Variants in NBPF20 observed in about 807,000 individuals in gnomAD.
NBPF20 encodes NBPF member 20.
A neutral mutation model predicts 68.1 loss-of-function variants in NBPF20; 90 were observed. The observed-to-expected ratio is 1.32, with a 90% CI of 1.11 to 1.58. The LOEUF (loss-of-function observed/expected upper bound fraction) is 1.58, where lower values mean the gene tolerates loss of function less well. Ranked by LOEUF, NBPF20 falls within the 40% of genes most tolerant of loss-of-function variation. NBPF20 has a pLI of 0.00. For missense variants in NBPF20, 816 were observed against 601.2 expected, an observed-to-expected ratio of 1.36 and a Z score of -3.74; for synonymous variants, 290 against 228.1, an observed-to-expected ratio of 1.27 and a Z score of -2.45.
chr1:145,394,609 A>T (rs1662124078), intron 8 of NBPF20, among the ~76,000 whole-genome samples: 1 of 151,944 alleles, frequency 6.6e-6, no homozygotes, highest in African/African-American at 2.4e-5. Flanking sequence ...TGGGAACAAA[A>T]CTCATAAGGA....
At chr1:145,397,772 T>A in intron 7 of NBPF20, among the ~76,000 whole-genome samples, 1 of 152,072 alleles carries the variant, frequency 6.6e-6, no homozygotes, top group Non-Finnish European at 1.5e-5. Context: ...ATGCCCCAGT[T>A]AAAAAACACA....
chr1:145,419,589 G>A, the NBPF20 span, among the ~76,000 whole-genome samples: 1 of 152,080 alleles, frequency 6.6e-6, no homozygotes, highest in Admixed American at 6.5e-5. Flanking sequence ...GGGGGCCTCA[G>A]CCCCTGGGTC....
At chr1:145,405,018 T>A (rs1299833392) in intron 2 of NBPF20, 80 bp downstream of exon 7, 1 of 1,599,866 alleles carries the variant, frequency 6.3e-7, no homozygotes, top group African/African-American at 1.3e-5. Flanking sequence ...TGAAATTATT[T>A]TTGATGGAGA....
At chr1:145,423,561 A>C in the NBPF20 span, among the ~76,000 whole-genome samples, 13 of 152,110 alleles carry the variant, frequency 8.5e-5, no homozygotes, top group Non-Finnish European at 1.6e-4. Flanking sequence ...GAAAGGACAC[A>C]TATCCGGAAA....
chr1:145,393,804 T>C (rs1662067222), intron 9 of NBPF20, 80 bp downstream of exon 14: 3 of 1,282,730 alleles, frequency 2.3e-6, no homozygotes, highest in African/African-American at 2.9e-5. Context: ...ATCATTATTT[T>C]CAGCATGTAC....
At chr1:145,351,926 C>T in exon 62 of NBPF20, 2 of 67,090 alleles carry the variant, frequency 3.0e-5, no homozygotes, top group South Asian at 8.8e-5. Flanking sequence ...CCTCCCACGT[C>T]GAGAGAAAAG....
At chr1:145,352,330 G>C (rs1390119192) in intron 61 of NBPF20, among the ~76,000 whole-genome samples, 789 of 80,736 alleles carry the variant, frequency 9.8e-3, no homozygotes, top group Middle Eastern at 0.023. Context: ...CACACACACA[G>C]ACACACACAC....
intron 10 of NBPF20, among the ~76,000 whole-genome samples, chr1:145,392,822 G>A (rs1661974060): frequency 1.0e-5 from 1 of 97,394 alleles, no homozygotes; most frequent in African/African-American, 6.4e-5. Context: ...CATCTGCCCA[G>A]GTCGAACGTC....
Position 145,291,578 on chromosome 1 carries a change from G to C in NBPF20, c.16889C>G (p.Thr5630Arg), listed in dbSNP as rs587689604. ...GAACACCAGGTGGAGACTTGTCACC[G>C]TCAAAGTAAAAAACCTATTGTCCAC... is the stretch of plus-strand genomic sequence containing the variant. The change falls in exon 138 of 138, where the codon ACG (threonine) becomes AGG (arginine). Residue 5630 changes from threonine (T) to arginine (R), a missense_variant. Coordinates refer to ENST00000369373, the Ensembl canonical transcript of NBPF20. 3 of 1,611,854 alleles carry C rather than the reference G, an allele frequency of 1.9e-6. No individual in the cohort carries two copies. In the African/African-American group the frequency reaches 4.0e-5, roughly 22 times the overall value.
the NBPF20 span, among the ~76,000 whole-genome samples, chr1:145,410,670 G>A: frequency 1.4e-5 from 2 of 146,652 alleles, no homozygotes; most frequent in African/African-American, 5.0e-5. Context: ...TCAATGTGCT[G>A]TTTATCTTAT....
At chr1:145,403,958 G>A (rs1490270914) in intron 2 of NBPF20, among the ~76,000 whole-genome samples, 5 of 147,182 alleles carry the variant, frequency 3.4e-5, no homozygotes, top group Non-Finnish European at 7.5e-5. Flanking sequence ...GCCAATAAAT[G>A]TTCTAGGAGA....
chr1:145,292,575 C>T, intron 136 of NBPF20, 86 bp from the exon 142 acceptor site: 2 of 740,902 alleles, frequency 2.7e-6, no homozygotes, highest in South Asian at 1.4e-5. Flanking sequence ...CACACAGGGA[C>T]CTCAGGCTCC....
chr1:145,410,404 T>C (rs1553668713), upstream of NBPF20, among the ~76,000 whole-genome samples: 1 of 148,634 alleles, frequency 6.7e-6, no homozygotes, highest in Non-Finnish European at 1.5e-5. Context: ...AAGCTCCGCC[T>C]CCCGGGTTCA....
chr1:145,291,932 AG>A (rs1661135048), intron 137 of NBPF20, among the ~76,000 whole-genome samples, 163 bp from the exon 143 acceptor site: 1 of 151,802 alleles, frequency 6.6e-6, no homozygotes, highest in South Asian at 2.1e-4. Context: ...GGGATAGAAC[AG>A]GGCCAGGTAG....
chr1:145,338,124 G>A (rs1285926566), intron 79 of NBPF20, among the ~76,000 whole-genome samples: 109 of 36,768 alleles, frequency 3.0e-3, no homozygotes, highest in African/African-American at 0.013. Flanking sequence ...GACACTCTGA[G>A]TTAGTGCCCT....
At chr1:145,405,964 G>T (rs1176160749), upstream of NBPF20, among the ~76,000 whole-genome samples, 1 of 150,602 alleles carries the variant, frequency 6.6e-6, no homozygotes, top group East Asian at 1.9e-4. Flanking sequence ...TGTCGCCCAG[G>T]CTGGAGTGCA....
At chr1:145,421,712 G>A in the NBPF20 span, among the ~76,000 whole-genome samples, 2 of 152,170 alleles carry the variant, frequency 1.3e-5, no homozygotes, top group Non-Finnish European at 2.9e-5. Flanking sequence ...AGAGATTTTA[G>A]CAAATCTTTT....
At chr1:145,407,520 CATACGTGTATATATATA>C (rs1553667977), upstream of NBPF20, among the ~76,000 whole-genome samples, 1 of 145,552 alleles carries the variant, frequency 6.9e-6, no homozygotes, top group South Asian at 2.1e-4. Context: ...CGTGTATATA[CATACGTGTATATATATA>C]ATACGTGTAT....
chr1:145,394,628 G>C (rs1343833995), intron 8 of NBPF20, among the ~76,000 whole-genome samples: 1 of 152,034 alleles, frequency 6.6e-6, no homozygotes, highest in Non-Finnish European at 1.5e-5. Flanking sequence ...GAATTTTGTA[G>C]CTGGCAAGAG....
Sources: allele counts gnomAD v4.1 joint callset (sites outside exome capture counted in the v4.1 genomes callset), GRCh38; gene constraint gnomAD v4.1.1; transcripts MANE v1.5; gene names NCBI Gene and HGNC (gene_info 2026-07-23, HGNC 2026-07-21).